The following COPS6 variants were observed in gnomAD, a reference collection of about 807,000 sequenced individuals.
COPS6 encodes COP9 signalosome subunit 6.
Under a neutral mutation model 41.0 loss-of-function variants are expected in COPS6, and 9 were observed. The ratio of observed to expected loss-of-function variants is 0.22; its 90% confidence interval spans 0.13 to 0.38. The LOEUF (loss-of-function observed/expected upper bound fraction) is 0.38, where lower values mean the gene tolerates loss of function less well. Ranked by LOEUF, COPS6 falls within the 10% of genes least tolerant of loss-of-function variation. The pLI, the probability that COPS6 is intolerant of heterozygous loss-of-function variation, is 1.00. For missense variants in COPS6, 302 were observed against 436.7 expected (o/e 0.69, Z 2.75); for synonymous variants, 179 against 162.9 (o/e 1.10, Z -0.75).
intron 2 of COPS6, 64 bp downstream of exon 2, chr7:100,089,479 T>TC: frequency 6.2e-7 from 1 of 1,609,200 alleles, no homozygotes; most frequent in Non-Finnish European, 8.5e-7. Context: ...AGTGGTCTTT[T>TC]CCCCTTCCTC....
Position 100,091,337 on chromosome 7 carries a change from C to T in COPS6, c.742+7C>T. 1 of 1,614,080 alleles carries T rather than the reference C, an allele frequency of 6.2e-7. No homozygotes were observed. The highest frequency in any genetic ancestry group is 8.5e-7 in the Non-Finnish European group (1 of 1,179,930). On this transcript the variant is annotated splice_region_variant and intron_variant, in intron 8 of 9. Transcript: ENST00000303904. This position sits in a 1 kb window ranked among gnomAD's most constrained non-coding sequence, Gnocchi z 4.1. The stretch of plus-strand genomic sequence containing the variant: ...GTCAAGGCCTCTGAAGCGGGTAGGA[C>T]AGGGGCTTCCCTGGCATTCTTCCTC...
chr7:100,089,312 CGGAGTGACTG>C lies in COPS6; in HGVS notation c.106_115del (p.Thr36PhefsTer30). On this transcript the variant is annotated frameshift_variant, in exon 2 of 10. Coordinates refer to ENST00000303904, the MANE Select transcript of COPS6 (RefSeq NM_006833.5). LOFTEE classifies it high-confidence loss of function. ...TAGTAGTCCCCAGCGTGATGGCCTG[CGGAGTGACTG>C]GGAGTGTTTCCGTCGCTCTCCATCC... The C allele has an allele frequency of 6.2e-7, 1 of 1,614,098 alleles. No homozygotes were observed. Among genetic ancestry groups the C allele is most frequent in the Non-Finnish European group, 8.5e-7 (1 of 1,179,992 alleles).
Position 100,091,334 on chromosome 7 carries a change from G to A in COPS6, c.742+4G>A, listed in dbSNP as rs777828476. 1.2e-6 allele frequency: 2 copies of A among 1,613,972 alleles called. No homozygotes were observed. The highest frequency in any genetic ancestry group is 1.1e-5 in the South Asian group (1 of 91,084). On this transcript the variant is annotated splice_donor_region_variant and intron_variant, in intron 8 of 9. Coordinates refer to ENST00000303904, the MANE Select transcript of COPS6 (RefSeq NM_006833.5). This position sits in a 1 kb window ranked among gnomAD's most constrained non-coding sequence, Gnocchi z 4.1. ...TACGTCAAGGCCTCTGAAGCGGGTA[G>A]GACAGGGGCTTCCCTGGCATTCTTC...
In COPS6 at chr7:100,089,046, G is replaced by C; in HGVS notation, c.56G>C (p.Gly19Ala). Residue 19 changes from glycine (G) to alanine (A), a missense_variant, in exon 1 of 10, where the codon GGG becomes GCG. Gly to Ala is a moderately conservative substitution (Grantham distance 60). Coordinates refer to ENST00000303904, the MANE Select transcript of COPS6 (RefSeq NM_006833.5). ...ACGAACGGGACCGGAGGAAGCAGCG[G>C]GATGGAGGTGGATGCAGCAGGTAAC... ...AATNGTGGSS[G>A]MEVDAAVVPS... 1 of 1,383,294 alleles carries C rather than the reference G, an allele frequency of 7.2e-7. No individual in the cohort carries two copies. Among genetic ancestry groups the C allele is most frequent in the Admixed American group, 3.6e-5 (1 of 28,060 alleles). The allele number at this position is 1,383,294 out of a possible 1,614,324, so 85.7% of individuals were successfully genotyped here.
rs1187759371 is a variant in COPS6 at position 100,091,906 on chromosome 7, C to T, written c.*117C>T. On this transcript the variant is annotated 3_prime_UTR_variant, in exon 10 of 10. Transcript: ENST00000303904. This position sits in a 1 kb window ranked among gnomAD's most constrained non-coding sequence, Gnocchi z 4.1. ...ATAAAAGGGGAGCAGCCCCTGAGCA[C>T]CCCTGCTGGTGGCTCTGTCCTCTGT... 1.5e-6 allele frequency: 2 copies of T among 1,347,910 alleles called. No homozygotes were observed. The highest frequency in any genetic ancestry group is 2.1e-6 in the Non-Finnish European group (2 of 974,062). 83.5% of individuals were successfully genotyped at this position (1,347,910 alleles called of 1,614,324 possible).
intron 5 of COPS6, 47 bp downstream of exon 5, chr7:100,090,701 T>C (rs776064480): frequency 3.8e-6 from 6 of 1,576,122 alleles, no homozygotes; most frequent in Admixed American, 3.3e-5. Flanking sequence ...CGCTATACCT[T>C]TTACTGTGTG....
In COPS6 at chr7:100,091,609, G is replaced by A. The variant is rs753640097; in HGVS notation, c.844-40G>A. 55 of 1,613,816 alleles carry A rather than the reference G, an allele frequency of 3.4e-5. 1 individual carries two copies. The highest frequency in any genetic ancestry group is 1.6e-4 in the African/African-American group (12 of 74,902). ...GACTGTTGTTCCCCGGGCATGCCAC[G>A]AGGGATCCCGAGGAACTGGTCCTTT... On this transcript the variant is annotated intron_variant, in intron 9 of 9. Coordinates refer to ENST00000303904, the MANE Select transcript of COPS6 (RefSeq NM_006833.5). The surrounding 1 kb of genome is among the most constrained non-coding windows in gnomAD (Gnocchi z 4.1).
intron 2 of COPS6, 97 bp downstream of exon 2, chr7:100,089,512 C>G: frequency 2.5e-6 from 4 of 1,601,850 alleles, no homozygotes; most frequent in Non-Finnish European, 3.4e-6. Flanking sequence ...TTCCCCCTCC[C>G]CCAAATCATC....
Position 100,089,700 on chromosome 7 carries a change from G to A in COPS6, c.288G>A (p.Glu96=), listed in dbSNP as rs777221023. Reference sequence around the variant, plus strand: ...AGCTGCTGTCCCACACCGTGGAAGAGAAGATTATCATTGACAAGGAATATT... The same window carrying A: ...AGCTGCTGTCCCACACCGTGGAAGAAAAGATTATCATTGACAAGGAATATT... ...SFELLSHTVE[E]KIIIDKEYYY... Residue 96 remains glutamate (E), a synonymous_variant, in exon 3 of 10, where the codon GAG becomes GAA. Transcript: ENST00000303904. The A allele has an allele frequency of 3.7e-6, 6 of 1,614,068 alleles. No individual in the cohort carries two copies. The highest frequency in any genetic ancestry group is 1.7e-5 in the Admixed American group (1 of 60,000).
chr7:100,090,955 A>C lies in COPS6; in HGVS notation c.534+6A>C. ...TTGATATAATCAATGGAGAGGTAAT[A>C]CCCTACCCTTCAACCCTCAGATCCT... On this transcript the variant is annotated splice_donor_region_variant and intron_variant, in intron 6 of 9. Transcript: ENST00000303904. The C allele has an allele frequency of 6.2e-7, 1 of 1,614,016 alleles. No individual in the cohort carries two copies.
At chr7:100,090,731 T>C in intron 5 of COPS6, 77 bp downstream of exon 5, 3 of 1,496,302 alleles carry the variant, frequency 2.0e-6, no homozygotes, top group Non-Finnish European at 2.8e-6. Context: ...TATTGGGGAA[T>C]GCCAGATGCC....
rs751771635 is a variant in COPS6 at position 100,091,681 on chromosome 7, C to T, written c.876C>T (p.Leu292=). 3.3e-5 allele frequency: 53 copies of T among 1,614,068 alleles called. No individual in the cohort carries two copies. The highest frequency in any genetic ancestry group is 5.3e-5 in the African/African-American group (4 of 74,924). Residue 292 remains leucine (L), a synonymous_variant, in exon 10 of 10, where the codon CTC becomes CTT. Coordinates refer to ENST00000303904, the MANE Select transcript of COPS6 (RefSeq NM_006833.5). The surrounding 1 kb of genome is among the most constrained non-coding windows in gnomAD (Gnocchi z 4.1). ...QCNDVGLMAY[L]GTITKTCNTM... ...ACGACGTGGGGCTCATGGCCTACCTCGGCACCATCACCAAAACGTGCAACA... is the reference window on the plus strand; with the variant it reads ...ACGACGTGGGGCTCATGGCCTACCTTGGCACCATCACCAAAACGTGCAACA...
In COPS6 at chr7:100,091,925, C is replaced by T; in HGVS notation, c.*136C>T. 3 of 1,115,658 alleles carry T rather than the reference C, an allele frequency of 2.7e-6. No homozygotes were observed. Among genetic ancestry groups the T allele is most frequent in the Non-Finnish European group, 3.9e-6 (3 of 779,106 alleles). 69.1% of individuals were successfully genotyped at this position (1,115,658 alleles called of 1,614,324 possible). A position where few individuals can be genotyped will look rare whatever the true frequency, so the allele number is the denominator to read the frequency against. ...TGAGCACCCCTGCTGGTGGCTCTGT[C>T]CTCTGTTAGGCACCACACTGGTTGG... On this transcript the variant is annotated 3_prime_UTR_variant, in exon 10 of 10. Coordinates refer to ENST00000303904, the MANE Select transcript of COPS6 (RefSeq NM_006833.5). The surrounding 1 kb of genome is among the most constrained non-coding windows in gnomAD (Gnocchi z 4.1).
chr7:100,089,419 A>C lies in COPS6; in HGVS notation c.202+4A>C. On this transcript the variant is annotated splice_donor_region_variant and intron_variant, in intron 2 of 9. Transcript: ENST00000303904. ...CAGGAGGGGCGGCCTGTGCAGGGTGAGTGTTGGGCATAGACTCCAGTCTCT... is the reference window on the plus strand; with the variant it reads ...CAGGAGGGGCGGCCTGTGCAGGGTGCGTGTTGGGCATAGACTCCAGTCTCT... 6.2e-7 allele frequency: 1 copy of C among 1,613,934 alleles called. No homozygotes were observed. The highest frequency in any genetic ancestry group is 8.5e-7 in the Non-Finnish European group (1 of 1,180,008).
chr7:100,090,480 A>G lies in COPS6; in HGVS notation c.416A>G (p.His139Arg). The change falls in exon 4 of 10, where the codon CAT becomes CGT. Residue 139 changes from histidine to arginine, a missense_variant. Physicochemically the swap from His to Arg is conservative, Grantham distance 29. This residue lies in a region of COPS6 where 222 missense variants were observed against 309.0 expected (regional missense o/e 0.72). Transcript: ENST00000303904. ...CCTGACCCCTCGGACATCCACGTCC[A>G]TAAGCAGGTATGCATGCTCACACCT... ...GPPDPSDIHV[H>R]KQVCEIIESP... The G allele has an allele frequency of 1.2e-6, 2 of 1,614,036 alleles. No individual in the cohort carries two copies. The highest frequency in any genetic ancestry group is 1.7e-6 in the Non-Finnish European group (2 of 1,179,878).
At position 100,091,594 on chromosome 7, in the gene COPS6, C is replaced by G. The variant is rs188414718; in HGVS notation, c.844-55C>G. The G allele has an allele frequency of 3.7e-6, 6 of 1,613,788 alleles. No individual in the cohort carries two copies. On this transcript the variant is annotated intron_variant, in intron 9 of 9. Coordinates refer to ENST00000303904, the MANE Select transcript of COPS6 (RefSeq NM_006833.5). This position sits in a 1 kb window ranked among gnomAD's most constrained non-coding sequence, Gnocchi z 4.1. Reference sequence around the variant, plus strand: ...ACGTGCAGGACTGGGGACTGTTGTTCCCCGGGCATGCCACGAGGGATCCCG... The same window carrying G: ...ACGTGCAGGACTGGGGACTGTTGTTGCCCGGGCATGCCACGAGGGATCCCG...
intron 3 of COPS6, chr7:100,090,060 C>T: frequency 2.3e-6 from 1 of 434,152 alleles, no homozygotes; most frequent in Non-Finnish European, 4.2e-6. Context: ...TAAAGAATTA[C>T]TATGTCAGGC....
intron 3 of COPS6, 157 bp downstream of exon 3, chr7:100,089,903 G>A (rs1381294137): frequency 4.4e-6 from 3 of 676,298 alleles, no homozygotes; most frequent in South Asian, 2.0e-5. Flanking sequence ...AAAAGAAAAC[G>A]TTCAGAGTTC....
chr7:100,090,641 C>G lies in COPS6; in HGVS notation c.473C>G (p.Thr158Ser), dbSNP rs1384605841. 1 of 1,613,924 alleles carries G rather than the reference C, an allele frequency of 6.2e-7. No homozygotes were observed. Reference sequence around the variant, plus strand: ...CTCTTTCTGAAGTTGAACCCTATGACCAAGCACACAGATGTGAGTAATACT... The same window carrying G: ...CTCTTTCTGAAGTTGAACCCTATGAGCAAGCACACAGATGTGAGTAATACT... Reference protein sequence around the residue: ...SPLFLKLNPMTKHTDLPVSVF... With the variant: ...SPLFLKLNPMSKHTDLPVSVF... The change falls in exon 5 of 10, where the codon ACC becomes AGC. Residue 158 changes from threonine (T) to serine (S), a missense_variant. Coordinates refer to ENST00000303904, the MANE Select transcript of COPS6 (RefSeq NM_006833.5).
Sources: allele counts gnomAD v4.1 joint callset, GRCh38; gene constraint gnomAD v4.1.1; regional missense constraint gnomAD v4.1.1; non-coding constraint Gnocchi (gnomAD v3.1); transcripts MANE v1.5; gene names NCBI Gene and HGNC (gene_info 2026-07-23, HGNC 2026-07-21).